DLGAP1: variants seen among roughly 807,000 people sequenced by gnomAD.
The protein encoded by DLGAP1 is disks large-associated protein 1.
In DLGAP1, 11 loss-of-function variants were observed where a neutral mutation model predicts 90.8. The ratio of observed to expected loss-of-function variants is 0.12; its 90% CI spans 0.08 to 0.20. The LOEUF (loss-of-function observed/expected upper bound fraction) is 0.20, where lower values mean the gene tolerates loss of function less well. Ranked by LOEUF, DLGAP1 falls within the 10% of genes least tolerant of loss-of-function variation. The probability of loss-of-function intolerance (pLI) is 1.00; values close to 1 mark genes in which losing one functional copy is unlikely to be tolerated. For missense variants in DLGAP1, 1,050 were observed against 1,333.8 expected (o/e 0.79, Z 3.31); for synonymous variants, 558 against 540.7 (o/e 1.03, Z -0.44).
At chr18:4,402,429 C>T (rs1278626335) in intron 1 of DLGAP1, among the ~76,000 whole-genome samples, 4 of 152,192 alleles carry the variant, frequency 2.6e-5, no homozygotes, top group Non-Finnish European at 5.9e-5. Context: ...CACACATTCA[C>T]TTAGCAGAGT....
intron 7 of DLGAP1, among the ~76,000 whole-genome samples, chr18:3,658,865 T>C (rs1167595957): frequency 6.6e-6 from 1 of 151,774 alleles, no homozygotes; most frequent in Non-Finnish European, 1.5e-5. Context: ...AGAAACAGAG[T>C]TCATGCAAGA....
chr18:4,174,074 C>A (rs2077066056), intron 1 of DLGAP1, among the ~76,000 whole-genome samples: 1 of 152,124 alleles, frequency 6.6e-6, no homozygotes, highest in African/African-American at 2.4e-5. Flanking sequence ...CAACCTCCAC[C>A]CTCTTTCTCC....
intron 5 of DLGAP1, among the ~76,000 whole-genome samples, chr18:3,772,458 C>CTCTTTCTTTCTTTCTTTCTTTCTT (rs10667751): frequency 1.3e-4 from 11 of 83,714 alleles, no homozygotes; most frequent in African/African-American, 4.5e-4. Flanking sequence ...CCCCACCCCC[C>CTCTTTCTTTCTTTCTTTCTTTCTT]TCTTTCTTTC....
At chr18:3,545,396 T>C (rs372607066) in intron 9 of DLGAP1, among the ~76,000 whole-genome samples, 2 of 152,264 alleles carry the variant, frequency 1.3e-5, no homozygotes, top group East Asian at 3.9e-4. Flanking sequence ...TAGGAAGAGA[T>C]ATGAATAATA....
In DLGAP1 at chr18:4,151,351, A is replaced by G. The variant is rs1277089934; in HGVS notation, c.-266-64T>C. Reference sequence around the variant, plus strand: ...GCCTGAAACAAAAAGACACTTAAAAATGATCTCATAAGAACTATTCTGACA... The same window carrying G: ...GCCTGAAACAAAAAGACACTTAAAAGTGATCTCATAAGAACTATTCTGACA... On this transcript the variant is annotated intron_variant, in intron 1 of 12. Coordinates refer to ENST00000315677, the MANE Select transcript of DLGAP1 (RefSeq NM_004746.4). The G allele has an allele frequency of 4.6e-5, 7 of 152,330 alleles. 1 individual carries two copies. In the East Asian group the frequency reaches 1.2e-3, roughly 25 times the overall value. The allele number at this position is 152,330 out of a possible 1,614,324, so 9.4% of individuals were successfully genotyped here.
intron 3 of DLGAP1, among the ~76,000 whole-genome samples, chr18:3,941,759 G>A (rs2072774092): frequency 6.6e-6 from 1 of 152,146 alleles, no homozygotes; most frequent in South Asian, 2.1e-4. Context: ...GTCACTCAGG[G>A]TGGAGTGCAA....
chr18:3,665,690 C>T (rs2059853951), intron 7 of DLGAP1, among the ~76,000 whole-genome samples: 2 of 152,122 alleles, frequency 1.3e-5, no homozygotes, highest in Admixed American at 1.3e-4. Flanking sequence ...AGAGGATTTC[C>T]ATTTCTGCAT....
chr18:4,385,114 G>A (rs2082203992), intron 1 of DLGAP1, among the ~76,000 whole-genome samples: 1 of 152,110 alleles, frequency 6.6e-6, no homozygotes, highest in Non-Finnish European at 1.5e-5. Context: ...CAGTAGGAAG[G>A]GAGGGTAGAC....
rs1567925481 is a variant in DLGAP1, at chr18:4,440,830, C to T, written c.-267+14176G>A. Reference sequence around the variant, plus strand: ...AAGGCAGGGATGCTTACATATTTAACGTGCCTCTTTCTTGAACAATTAAGG... The same window carrying T: ...AAGGCAGGGATGCTTACATATTTAATGTGCCTCTTTCTTGAACAATTAAGG... On this transcript the variant is annotated intron_variant, in intron 1 of 12. Coordinates refer to ENST00000315677, the MANE Select transcript of DLGAP1 (RefSeq NM_004746.4). Among the ~76,000 whole-genome samples the T allele has an allele frequency of 6.6e-5, 10 of 152,306 alleles. No homozygotes were observed. The East Asian group carries it at 1.3e-3, about 21-fold the overall frequency.
intron 2 of DLGAP1, among the ~76,000 whole-genome samples, chr18:4,064,460 G>A (rs1021316325): frequency 9.3e-5 from 14 of 151,284 alleles, no homozygotes; most frequent in Non-Finnish European, 1.6e-4. Flanking sequence ...GACCAACAAA[G>A]AAAAAAAGAG....
At chr18:3,870,971 T>C (rs1000076718) in intron 4 of DLGAP1, among the ~76,000 whole-genome samples, 2 of 152,248 alleles carry the variant, frequency 1.3e-5, no homozygotes, top group Non-Finnish European at 2.9e-5. Flanking sequence ...CTTTGCCTCT[T>C]CTGAGACTGT....
intron 7 of DLGAP1, among the ~76,000 whole-genome samples, chr18:3,635,421 G>A (rs1327435382): frequency 2.7e-5 from 4 of 150,274 alleles, no homozygotes; most frequent in Admixed American, 6.7e-5. Context: ...TTACAGGCGT[G>A]AGCCACCGCG....
intron 3 of DLGAP1, among the ~76,000 whole-genome samples, chr18:3,991,705 G>A (rs1040639105): frequency 3.3e-5 from 5 of 152,120 alleles, no homozygotes; most frequent in African/African-American, 1.2e-4. Flanking sequence ...AGACATTCCT[G>A]CTTTAATATG....
At chr18:4,203,554 A>G (rs765177542) in intron 1 of DLGAP1, among the ~76,000 whole-genome samples, 1 of 152,162 alleles carries the variant, frequency 6.6e-6, no homozygotes, top group Non-Finnish European at 1.5e-5. Context: ...GCTTTAAGGT[A>G]TCTTAAAACG....
intron 7 of DLGAP1, among the ~76,000 whole-genome samples, chr18:3,602,260 G>T (rs2057081430): frequency 6.6e-6 from 1 of 151,986 alleles, no homozygotes; most frequent in South Asian, 2.1e-4. Flanking sequence ...CCACCCACCA[G>T]ATAACCGAGA....
chr18:3,588,043 A>G (rs956266692), intron 7 of DLGAP1, among the ~76,000 whole-genome samples: 2 of 152,248 alleles, frequency 1.3e-5, no homozygotes, highest in African/African-American at 4.8e-5. Flanking sequence ...TCTGGCTGAA[A>G]GGACTCTTAT....
At chr18:4,200,227 T>C (rs1233017711) in intron 1 of DLGAP1, among the ~76,000 whole-genome samples, 3 of 152,060 alleles carry the variant, frequency 2.0e-5, no homozygotes, top group Non-Finnish European at 2.9e-5. Flanking sequence ...TTAACAAATC[T>C]GTCAAATTAT....
chr18:3,987,409 G>A (rs8096794), intron 3 of DLGAP1, among the ~76,000 whole-genome samples: 91,306 of 152,010 alleles, frequency 0.6, 29,145 homozygotes, highest in African/African-American at 0.83. Flanking sequence ...CTAATCTTTC[G>A]TCCTATTTAA....
At chr18:3,733,418 T>C (rs2062518627) in intron 6 of DLGAP1, among the ~76,000 whole-genome samples, 1 of 152,192 alleles carries the variant, frequency 6.6e-6, no homozygotes, top group African/African-American at 2.4e-5. Context: ...ATATGTGGTA[T>C]AGTATTCTCT....
Sources: gnomAD v4.1 joint callset for allele counts (sites outside exome capture counted in the v4.1 genomes callset) on GRCh38, gnomAD v4.1.1 for gene constraint, MANE v1.5 for transcripts, NCBI Gene and HGNC (gene_info 2026-07-23, HGNC 2026-07-21) for gene names.